Variants in FOXN1 observed in about 807,000 individuals in gnomAD.
FOXN1 encodes the protein forkhead box protein N1.
FOXN1 carries 15 observed loss-of-function variants against 49.0 expected under a neutral mutation model. That is an observed-to-expected ratio of 0.31 (90% CI 0.20 to 0.47). FOXN1 has a LOEUF of 0.47. FOXN1 is among the 20% of genes least tolerant of loss of function. The probability of loss-of-function intolerance (pLI) is 1.00; values close to 1 mark genes in which losing one functional copy is unlikely to be tolerated. For synonymous variants in FOXN1, 356 were observed against 369.0 expected, an observed-to-expected ratio of 0.96 and a Z score of 0.40; for missense variants, 800 against 842.8, an observed-to-expected ratio of 0.95 and a Z score of 0.63.
chr17:28,523,068 G>A lies in FOXN1; in HGVS notation c.-14-888G>A, dbSNP rs563294803. Among the ~76,000 whole-genome samples the A allele has an allele frequency of 6.1e-4, 93 of 152,280 alleles. No individual in the cohort carries two copies. The South Asian group carries it at 0.016, about 26-fold the overall frequency. ...CTGCTTGAGAGGAAGGGCCAACCCC[G>A]GCTTTGAGGCCTGAGTCCTCTTAAC... is the stretch of plus-strand genomic sequence containing the variant. On this transcript the variant is annotated intron_variant, in intron 1 of 8. Coordinates refer to ENST00000579795, the MANE Select transcript of FOXN1 (RefSeq NM_001369369.1).
intron 6 of FOXN1, among the ~76,000 whole-genome samples, chr17:28,532,446 G>A (rs1212492337): frequency 6.6e-6 from 1 of 152,216 alleles, no homozygotes; most frequent in East Asian, 1.9e-4. Context: ...AGAGTTGGAG[G>A]CTAAGCTCTG....
intron 1 of FOXN1, among the ~76,000 whole-genome samples, chr17:28,512,247 T>C (rs1227757709): frequency 1.3e-5 from 2 of 152,234 alleles, no homozygotes; most frequent in East Asian, 3.8e-4. Context: ...TTGGCCCTTA[T>C]CACAGCTGGG....
At chr17:28,509,399 T>TC in intron 1 of FOXN1, among the ~76,000 whole-genome samples, 1 of 145,946 alleles carries the variant, frequency 6.9e-6, no homozygotes, top group South Asian at 2.2e-4. Flanking sequence ...CACTCCCACC[T>TC]CCAACCACAC....
At chr17:28,528,758 C>T (rs1185188506) in intron 4 of FOXN1, among the ~76,000 whole-genome samples, 1 of 152,230 alleles carries the variant, frequency 6.6e-6, no homozygotes, top group Non-Finnish European at 1.5e-5. Flanking sequence ...GATGCACAGG[C>T]ACTGGGAGCA....
chr17:28,507,229 C>A (rs2069281641), intron 1 of FOXN1, among the ~76,000 whole-genome samples: 1 of 152,162 alleles, frequency 6.6e-6, no homozygotes, highest in Non-Finnish European at 1.5e-5. Context: ...CAGCAGGAAG[C>A]CCCTGCCAGC....
Position 28,524,237 on chromosome 17 carries a change from G to A in FOXN1, c.123+145G>A, listed in dbSNP as rs1032918700. 4.1e-5 allele frequency: 35 copies of A among 853,366 alleles called. 1 individual carries two copies. The South Asian group carries it at 4.9e-4, about 12-fold the overall frequency. 52.9% of individuals were successfully genotyped at this position (853,366 alleles called of 1,614,324 possible). On this transcript the variant is annotated intron_variant, in intron 2 of 8. Coordinates refer to ENST00000579795, the MANE Select transcript of FOXN1 (RefSeq NM_001369369.1). ...CAGCAAACAAGTCCTCAGGGACCCC[G>A]AGATCCAGAGGGGTCACTCCTCATC...
At chr17:28,525,483 A>G (rs2069746456) in intron 3 of FOXN1, among the ~76,000 whole-genome samples, 1 of 152,164 alleles carries the variant, frequency 6.6e-6, no homozygotes, top group Admixed American at 6.5e-5. Flanking sequence ...TGGAAGGTTA[A>G]CATGTCCTTC....
intron 6 of FOXN1, among the ~76,000 whole-genome samples, chr17:28,531,630 G>A (rs1453608005): frequency 6.6e-6 from 1 of 152,136 alleles, no homozygotes; most frequent in Non-Finnish European, 1.5e-5. Flanking sequence ...CTCCAGCACA[G>A]ACCCCCTTCT....
In FOXN1 at chr17:28,537,209, C is replaced by G. The variant is rs981106770; in HGVS notation, c.1720C>G (p.Pro574Ala). ...CCCGACATCATCTTCGATGCCACCA[C>G]CCCAGCCACCACCTCACTGCTTCCC... ...SSPTSSSMPP[P>A]QPPPHCFPPG... is the part of the protein sequence containing the mutation. The change falls in exon 9 of 9, where the codon CCC becomes GCC. Residue 574 changes from proline (P) to alanine (A), a missense_variant. By Grantham distance (27) the Pro-to-Ala change is conservative (BLOSUM62 -1). Coordinates refer to ENST00000579795, the MANE Select transcript of FOXN1 (RefSeq NM_001369369.1). The G allele has an allele frequency of 3.1e-6, 5 of 1,613,746 alleles. No individual in the cohort carries two copies. Among genetic ancestry groups the G allele is most frequent in the Middle Eastern group, 1.6e-4 (1 of 6,062 alleles).
rs527345317 is a variant in FOXN1 at position 28,507,335 on chromosome 17, G to A, written c.-15+892G>A. On this transcript the variant is annotated intron_variant, in intron 1 of 8. Coordinates refer to ENST00000579795, the MANE Select transcript of FOXN1 (RefSeq NM_001369369.1). ...CCTCCCTAAATATCCAAAGAAGCCC[G>A]TTGGATGAAGAGTAGACTCTAGCAA... Among the ~76,000 whole-genome samples the A allele has an allele frequency of 4.6e-5, 7 of 152,300 alleles. No individual in the cohort carries two copies. In the East Asian group the frequency reaches 1.3e-3, roughly 29 times the overall value.
At position 28,534,998 on chromosome 17, in the gene FOXN1, A is replaced by T. The variant is rs748031157; in HGVS notation, c.1427A>T (p.Asp476Val). 1 of 1,613,870 alleles carries T rather than the reference A, an allele frequency of 6.2e-7. No individual in the cohort carries two copies. Residue 476 changes from aspartate (D) to valine (V), a missense_variant, in exon 8 of 9, where the codon GAC becomes GTC. Asp to Val is a radical substitution (Grantham distance 152, BLOSUM62 -3). Around this residue, in one of 3 missense-constraint regions of FOXN1, gnomAD observed 344 missense variants for 366.1 expected, o/e 0.94. Coordinates refer to ENST00000579795, the MANE Select transcript of FOXN1 (RefSeq NM_001369369.1). This position sits in a 1 kb window ranked among gnomAD's most constrained non-coding sequence, Gnocchi z 4.1. ...CCGCAGCCATTGTTCCCACAGCCGG[A>T]CGGGCACCTTGAGCTGCGGGCCCAG... Reference protein sequence around the residue: ...GPPQPLFPQPDGHLELRAQPG... With the variant: ...GPPQPLFPQPVGHLELRAQPG...
At chr17:28,525,019 A>C in intron 3 of FOXN1, 52 bp downstream of exon 3, 3 of 1,396,140 alleles carry the variant, frequency 2.1e-6, no homozygotes, top group Non-Finnish European at 3.0e-6. Flanking sequence ...CCCAGTTCCT[A>C]GCAGCCTAGA....
In FOXN1 at chr17:28,534,152, C is replaced by A. The variant is rs576277694; in HGVS notation, c.928-179C>A. 6.6e-6 allele frequency among the ~76,000 whole-genome samples: 1 copy of A among 152,152 alleles called. No individual in the cohort carries two copies. The highest frequency in any genetic ancestry group is 1.9e-4 in the East Asian group (1 of 5,194). Reference sequence around the variant, plus strand: ...CTTGGGGTCAAGGTTCCTGTTCACCCGTCCCCTACCACCAAAGGGTACCAA... The same window carrying A: ...CTTGGGGTCAAGGTTCCTGTTCACCAGTCCCCTACCACCAAAGGGTACCAA... On this transcript the variant is annotated intron_variant, in intron 6 of 8. Coordinates refer to ENST00000579795, the MANE Select transcript of FOXN1 (RefSeq NM_001369369.1). The surrounding 1 kb of genome is among the most constrained non-coding windows in gnomAD (Gnocchi z 4.1).
chr17:28,523,981 A>ACCC lies in FOXN1; in HGVS notation c.15_17dup (p.Pro7dup). 1 of 1,588,926 alleles carries ACCC rather than the reference A, an allele frequency of 6.3e-7. No homozygotes were observed. The highest frequency in any genetic ancestry group is 1.1e-5 in the South Asian group (1 of 88,606). On this transcript the variant is annotated inframe_insertion, in exon 2 of 9. Coordinates refer to ENST00000579795, the MANE Select transcript of FOXN1 (RefSeq NM_001369369.1). The stretch of plus-strand genomic sequence containing the variant: ...GCCAGGACTGGGTGATGGTGTCGCT[A>ACCC]CCCCCGCCGCAGTCTGACGTCACGC...
intron 1 of FOXN1, among the ~76,000 whole-genome samples, chr17:28,508,265 C>T (rs1395278094): frequency 2.0e-5 from 3 of 152,230 alleles, no homozygotes; most frequent in African/African-American, 7.2e-5. Context: ...CCCTGCTCCC[C>T]AGCTTTGTCT....
chr17:28,524,858 A>G lies in FOXN1; in HGVS notation c.479A>G (p.Glu160Gly). The G allele has an allele frequency of 6.2e-7, 1 of 1,613,762 alleles. No homozygotes were observed. The highest frequency in any genetic ancestry group is 8.5e-7 in the Non-Finnish European group (1 of 1,180,006). The change falls in exon 3 of 9, where the codon GAG becomes GGG. Residue 160 changes from glutamate to glycine, a missense_variant. By Grantham distance (98) the Glu-to-Gly change is moderately conservative (BLOSUM62 -2). Coordinates refer to ENST00000579795, the MANE Select transcript of FOXN1 (RefSeq NM_001369369.1). Reference sequence around the variant, plus strand: ...CCAGGGCCGCTGGAGGCCTTCGAGGAGATCCCAGTGGACGTGGCGGAGGCC... The same window carrying G: ...CCAGGGCCGCTGGAGGCCTTCGAGGGGATCCCAGTGGACGTGGCGGAGGCC... ...KTPGPLEAFE[E>G]IPVDVAEAEA... is the part of the protein sequence containing the mutation.
chr17:28,527,003 C>T (rs527927396), intron 3 of FOXN1, among the ~76,000 whole-genome samples: 1 of 152,264 alleles, frequency 6.6e-6, no homozygotes, highest in East Asian at 1.9e-4. Context: ...TCAGGACAGC[C>T]CAGCCTCAGC....
In FOXN1 at chr17:28,534,833, C is replaced by A. The variant is rs747637565; in HGVS notation, c.1262C>A (p.Pro421Gln). ...CTGGCACCCCCAGCTGGCCTCTCCC[C>A]ACCACTGCACTCACTCCACCCAGCT... is the stretch of plus-strand genomic sequence containing the variant. ...RPLAPPAGLSPPLHSLHPAPG... is the reference protein window; with the variant it reads ...RPLAPPAGLSQPLHSLHPAPG... Residue 421 changes from proline (P) to glutamine (Q), a missense_variant, in exon 8 of 9, where the codon CCA (proline) becomes CAA (glutamine). This residue lies in a region of FOXN1 where 344 missense variants were observed against 366.1 expected (regional missense o/e 0.94). Transcript: ENST00000579795. This position sits in a 1 kb window ranked among gnomAD's most constrained non-coding sequence, Gnocchi z 4.1. 1 of 1,613,968 alleles carries A rather than the reference C, an allele frequency of 6.2e-7. No homozygotes were observed. The highest frequency in any genetic ancestry group is 1.1e-5 in the South Asian group (1 of 91,088).
chr17:28,515,202 C>T (rs1483537000), intron 1 of FOXN1, among the ~76,000 whole-genome samples: 3 of 152,140 alleles, frequency 2.0e-5, no homozygotes, highest in African/African-American at 4.8e-5. Flanking sequence ...GCTGACAGCT[C>T]TGTGGGCCAG....
Sources: allele counts gnomAD v4.1 joint callset (sites outside exome capture counted in the v4.1 genomes callset), GRCh38; gene constraint gnomAD v4.1.1; regional missense constraint gnomAD v4.1.1; non-coding constraint Gnocchi (gnomAD v3.1); transcripts MANE v1.5; gene names NCBI Gene and HGNC (gene_info 2026-07-23, HGNC 2026-07-21).